VTI1A: variants seen among roughly 807,000 people sequenced by gnomAD.
VTI1A encodes the protein vesicle transport through interaction with t-SNAREs 1A.
In VTI1A, 22 loss-of-function variants were observed where a neutral mutation model predicts 34.9. That is an observed-to-expected ratio of 0.63 (90% CI 0.45 to 0.90). The LOEUF (loss-of-function observed/expected upper bound fraction) is 0.90, where lower values mean the gene tolerates loss of function less well. Among genes scored for constraint, VTI1A ranks in the 40% least tolerant of loss-of-function variants. VTI1A has a pLI of 0.00. For missense variants in VTI1A, 268 were observed against 275.6 expected, an observed-to-expected ratio of 0.97 and a Z score of 0.20; for synonymous variants, 87 against 97.3, an observed-to-expected ratio of 0.89 and a Z score of 0.62.
rs181261929 is a variant in VTI1A at position 112,547,342 on chromosome 10, C to T, written c.427+9012C>T. Among the ~76,000 whole-genome samples the T allele has an allele frequency of 6.6e-4, 101 of 152,056 alleles. 1 individual carries two copies. Among genetic ancestry groups the T allele is most frequent in the Middle Eastern group, 3.4e-3 (1 of 294 alleles). On this transcript the variant is annotated intron_variant, in intron 5 of 7. Coordinates refer to ENST00000393077, the MANE Select transcript of VTI1A (RefSeq NM_145206.4). ...CTGTAATCCCAGCACTTTGGGAGGC[C>T]GAGGTGGGCGGATCACTTGAGGTCA...
chr10:112,517,809 C>A (rs1411703047), intron 3 of VTI1A, among the ~76,000 whole-genome samples: 1 of 151,988 alleles, frequency 6.6e-6, no homozygotes, highest in Non-Finnish European at 1.5e-5. Context: ...TCATCAAAAA[C>A]AAATAAGTCT....
the VTI1A span, among the ~76,000 whole-genome samples, chr10:112,852,480 C>T: frequency 6.6e-6 from 1 of 152,224 alleles, no homozygotes. Flanking sequence ...CCTTTCTAAG[C>T]AGTGCCAGCA....
intron 5 of VTI1A, among the ~76,000 whole-genome samples, chr10:112,630,684 G>A (rs1334292392): frequency 2.6e-5 from 4 of 152,150 alleles, no homozygotes; most frequent in Admixed American, 6.5e-5. Flanking sequence ...TAGAGCTAAT[G>A]GAGAGAAAAC....
At chr10:112,751,359 A>G (rs1036593541) in intron 7 of VTI1A, among the ~76,000 whole-genome samples, 3 of 151,628 alleles carry the variant, frequency 2.0e-5, no homozygotes, top group Non-Finnish European at 4.4e-5. Context: ...GACCACCGCC[A>G]TTTCTGTGAC....
chr10:112,571,676 A>G (rs531920094), intron 5 of VTI1A, among the ~76,000 whole-genome samples: 17 of 152,314 alleles, frequency 1.1e-4, no homozygotes, highest in Non-Finnish European at 2.4e-4. Flanking sequence ...ACCAAAAGGT[A>G]GAATGCACCT....
intron 4 of VTI1A, chr10:112,533,543 G>T (rs945415835): frequency 2.0e-6 from 2 of 1,010,318 alleles, no homozygotes; most frequent in South Asian, 9.3e-5. Context: ...ATAAAATTAC[G>T]TGAAGAGGTG....
intron 7 of VTI1A, among the ~76,000 whole-genome samples, chr10:112,690,821 G>T (rs528685655): frequency 1.3e-5 from 2 of 152,262 alleles, no homozygotes; most frequent in South Asian, 4.1e-4. Flanking sequence ...CCATGCAATA[G>T]CCCCATGATT....
chr10:112,513,996 T>C (rs1849695770), intron 3 of VTI1A, among the ~76,000 whole-genome samples: 1 of 152,008 alleles, frequency 6.6e-6, no homozygotes, highest in Non-Finnish European at 1.5e-5. Context: ...CTTGTCTGGC[T>C]TTAATATCAG....
chr10:112,649,140 G>A lies in VTI1A; in HGVS notation c.428-19078G>A, dbSNP rs971531978. On this transcript the variant is annotated intron_variant, in intron 5 of 7. Transcript: ENST00000393077. Reference sequence around the variant, plus strand: ...CAGAACAGGAGTGCACTGGGGTCAGGGCACGCACAATGAATTATACAGCAT... The same window carrying A: ...CAGAACAGGAGTGCACTGGGGTCAGAGCACGCACAATGAATTATACAGCAT... 2.6e-5 allele frequency among the ~76,000 whole-genome samples: 4 copies of A among 151,886 alleles called. No homozygotes were observed. The East Asian group carries it at 7.7e-4, about 29-fold the overall frequency.
chr10:112,665,378 T>C (rs887764137), intron 5 of VTI1A, among the ~76,000 whole-genome samples: 2 of 152,018 alleles, frequency 1.3e-5, no homozygotes, highest in African/African-American at 4.8e-5. Context: ...CATTGTGATA[T>C]ATTTGGCCTG....
chr10:112,830,842 TATA>T, the VTI1A span, among the ~76,000 whole-genome samples: 159 of 52,414 alleles, frequency 3.0e-3, 9 homozygotes, highest in Admixed American at 6.0e-3. Flanking sequence ...TATATATATA[TATA>T]TATATTTTTT....
chr10:112,737,929 C>T, intron 7 of VTI1A: 1 of 1,061,472 alleles, frequency 9.4e-7, no homozygotes, highest in Non-Finnish European at 1.1e-6. Context: ...GGAGGTATGT[C>T]CCCTCTAGGC....
intron 7 of VTI1A, among the ~76,000 whole-genome samples, chr10:112,698,763 T>C (rs1187194322): frequency 6.6e-6 from 1 of 152,232 alleles, no homozygotes; most frequent in African/African-American, 2.4e-5. Flanking sequence ...CCACCCTTTG[T>C]GCACTCATTG....
chr10:112,560,639 C>G (rs1398750302), intron 5 of VTI1A, among the ~76,000 whole-genome samples: 5 of 150,050 alleles, frequency 3.3e-5, no homozygotes, highest in African/African-American at 1.2e-4. Flanking sequence ...ACTCTGTCGC[C>G]AGTCTGGAGT....
the VTI1A span, among the ~76,000 whole-genome samples, chr10:112,833,038 C>T: frequency 6.6e-6 from 1 of 152,220 alleles, no homozygotes; most frequent in African/African-American, 2.4e-5. Context: ...CAGCCCTGGT[C>T]AAGACCTGTC....
chr10:112,560,597 CTTTT>C (rs1281971200), intron 5 of VTI1A, among the ~76,000 whole-genome samples: 2 of 123,722 alleles, frequency 1.6e-5, no homozygotes, highest in Non-Finnish European at 1.7e-5. Flanking sequence ...AATAGAAGTG[CTTTT>C]TTTTTTTTTT....
chr10:112,824,090 T>G, the VTI1A span: 3 of 152,260 alleles, frequency 2.0e-5, no homozygotes, highest in East Asian at 5.8e-4. Context: ...GTTGGAACTT[T>G]TGTTTCAAAT....
chr10:112,466,076 T>G (rs1847885129), intron 3 of VTI1A, among the ~76,000 whole-genome samples: 2 of 152,164 alleles, frequency 1.3e-5, no homozygotes, highest in Non-Finnish European at 2.9e-5. Flanking sequence ...GATCTGAGCC[T>G]TACCTATGAG....
chr10:112,791,255 G>T (rs538945881), intron 7 of VTI1A, among the ~76,000 whole-genome samples: 2 of 152,238 alleles, frequency 1.3e-5, no homozygotes, highest in East Asian at 3.9e-4. Context: ...AGTATCAGGC[G>T]CAACAAAAGG....
Sources: allele counts gnomAD v4.1 joint callset (sites outside exome capture counted in the v4.1 genomes callset), GRCh38; gene constraint gnomAD v4.1.1; transcripts MANE v1.5; gene names NCBI Gene and HGNC (gene_info 2026-07-23, HGNC 2026-07-21).